MICOS10: variants seen among roughly 807,000 people sequenced by gnomAD.
MICOS10 encodes MICOS complex subunit MIC10.
Under a neutral mutation model 13.4 loss-of-function variants are expected in MICOS10, and 5 were observed. That is an observed-to-expected ratio of 0.37 (90% CI 0.20 to 0.78). The LOEUF (loss-of-function observed/expected upper bound fraction) is 0.78. MICOS10 is among the 30% of genes least tolerant of loss of function. The pLI is 0.47. For synonymous variants in MICOS10, 35 were observed against 33.6 expected (o/e 1.04, Z -0.15); for missense variants, 101 against 94.6 (o/e 1.07, Z -0.28).
In MICOS10 at chr1:19,608,717, G is replaced by A. The variant is rs187025815; in HGVS notation, c.64+11608G>A. The stretch of plus-strand genomic sequence containing the variant: ...CAAAAAGCAAGTTTCAAAGAAAACT[G>A]ATATACTGGATTTGATAAAAATTAA... On this transcript the variant is annotated intron_variant, in intron 1 of 3. Coordinates refer to ENST00000322753, the MANE Select transcript of MICOS10 (RefSeq NM_001032363.4). The A allele has an allele frequency of 2.3e-4, 125 of 555,140 alleles. 2 individuals carry two copies. The Middle Eastern group carries it at 8.7e-3, about 39-fold the overall frequency. 34.4% of individuals were successfully genotyped at this position (555,140 alleles called of 1,614,324 possible).
At position 19,597,250 on chromosome 1, in the gene MICOS10, G is replaced by A. The variant is rs958682441; in HGVS notation, c.64+141G>A. The A allele has an allele frequency of 9.2e-6, 8 of 869,578 alleles. No homozygotes were observed. In the Admixed American group the frequency reaches 1.5e-4, roughly 16 times the overall value. 53.9% of individuals were successfully genotyped at this position (869,578 alleles called of 1,614,324 possible). A position where few individuals can be genotyped will look rare whatever the true frequency, so the allele number is the denominator to read the frequency against. On this transcript the variant is annotated intron_variant, in intron 1 of 3. Coordinates refer to ENST00000322753, the MANE Select transcript of MICOS10 (RefSeq NM_001032363.4). ...CCGGCCCCTCCGGCCAGGGCGAGCC[G>A]CCCGGGCCCCGGCGGGAGGTCACTC...
chr1:19,600,363 GA>G (rs1163209331), intron 1 of MICOS10, among the ~76,000 whole-genome samples: 27 of 152,286 alleles, frequency 1.8e-4, no homozygotes, highest in Non-Finnish European at 3.4e-4. Flanking sequence ...AGTCGTCTTT[GA>G]AACCATGAAG....
chr1:19,619,888 C>T (rs1169132622), intron 1 of MICOS10, among the ~76,000 whole-genome samples: 3 of 152,218 alleles, frequency 2.0e-5, no homozygotes, highest in Non-Finnish European at 4.4e-5. Context: ...ATGCTCCCCA[C>T]CCCCTACCAC....
At chr1:19,603,844 G>A (rs2094825155) in intron 1 of MICOS10, among the ~76,000 whole-genome samples, 1 of 152,200 alleles carries the variant, frequency 6.6e-6, no homozygotes, top group South Asian at 2.1e-4. Context: ...ATGAAGGCAG[G>A]GAGGAGATGT....
intron 1 of MICOS10, chr1:19,608,461 C>T: frequency 7.9e-7 from 1 of 1,272,752 alleles, no homozygotes; most frequent in South Asian, 1.2e-5. Flanking sequence ...AGTCGGCCCT[C>T]AGAGCCCTTG....
chr1:19,615,449 A>G (rs1455176172), intron 1 of MICOS10, among the ~76,000 whole-genome samples: 2 of 152,266 alleles, frequency 1.3e-5, no homozygotes, highest in Admixed American at 6.5e-5. Context: ...GAGAAGTTAT[A>G]TAGTTTGCCC....
At position 19,626,583 on chromosome 1, in the gene MICOS10, G is replaced by A. The variant is rs925009840; in HGVS notation, c.*182G>A. On this transcript the variant is annotated 3_prime_UTR_variant, in exon 4 of 4. Coordinates refer to ENST00000322753, the MANE Select transcript of MICOS10 (RefSeq NM_001032363.4). ...GTTTCTTGTTTTGTATTTTCTCTCT[G>A]GAAGTTGTAAGGAGGTGGTCTTAAA... 3.0e-6 allele frequency: 2 copies of A among 669,714 alleles called. No homozygotes were observed. The highest frequency in any genetic ancestry group is 2.8e-5 in the East Asian group (1 of 35,808). The allele number at this position is 669,714 out of a possible 1,614,324, so 41.5% of individuals were successfully genotyped here.
At chr1:19,609,152 G>A (rs750500056) in intron 1 of MICOS10, among the ~76,000 whole-genome samples, 7 of 151,476 alleles carry the variant, frequency 4.6e-5, no homozygotes, top group African/African-American at 9.7e-5. Flanking sequence ...GCGTGCTACC[G>A]CATCAGGCTA....
Position 19,627,384 on chromosome 1 carries a change from A to T in MICOS10, c.*983A>T, listed in dbSNP as rs999929922. The T allele has an allele frequency of 6.6e-6, 1 of 152,244 alleles. No homozygotes were observed. Among genetic ancestry groups the T allele is most frequent in the Non-Finnish European group, 1.5e-5 (1 of 68,048 alleles). The allele number at this position is 152,244 out of a possible 1,614,324, so 9.4% of individuals were successfully genotyped here. ...TAAATGTTGATTTATCATCTACTGT[A>T]AGCGAGGCACTGTTGTAAGCAGCAG... On this transcript the variant is annotated 3_prime_UTR_variant, in exon 4 of 4. Coordinates refer to ENST00000322753, the MANE Select transcript of MICOS10 (RefSeq NM_001032363.4).
At chr1:19,611,442 C>G (rs1275580920) in intron 1 of MICOS10, among the ~76,000 whole-genome samples, 1 of 138,030 alleles carries the variant, frequency 7.2e-6, no homozygotes, top group Non-Finnish European at 1.5e-5. Flanking sequence ...AAGAACTTAT[C>G]TTTCTCTTTA....
intron 1 of MICOS10, chr1:19,614,374 A>G (rs1425744745): frequency 7.0e-6 from 1 of 143,820 alleles, no homozygotes; most frequent in Non-Finnish European, 1.5e-5. Flanking sequence ...ATACACACCC[A>G]CTCTCTCTTT....
intron 1 of MICOS10, among the ~76,000 whole-genome samples, chr1:19,607,371 G>A (rs1419484099): frequency 6.6e-6 from 1 of 152,182 alleles, no homozygotes; most frequent in Non-Finnish European, 1.5e-5. Context: ...AATGTGGCCT[G>A]TAACAGTTTA....
chr1:19,611,698 G>C (rs759652652), intron 1 of MICOS10, among the ~76,000 whole-genome samples: 1 of 151,744 alleles, frequency 6.6e-6, no homozygotes, highest in Non-Finnish European at 1.5e-5. Flanking sequence ...AAGGCCAGGC[G>C]CGATGGCTCA....
intron 1 of MICOS10, among the ~76,000 whole-genome samples, chr1:19,608,797 A>C (rs1375962116): frequency 6.6e-6 from 1 of 151,996 alleles, no homozygotes; most frequent in Admixed American, 6.6e-5. Context: ...AAGCCGCAGA[A>C]TGGGAGGAAA....
At position 19,629,331 on chromosome 1, in the gene MICOS10, C is replaced by T. The variant is rs1233088022; in HGVS notation, c.*2930C>T. 1 of 152,230 alleles carries T rather than the reference C, an allele frequency of 6.6e-6. No individual in the cohort carries two copies. Among genetic ancestry groups the T allele is most frequent in the Non-Finnish European group, 1.5e-5 (1 of 68,050 alleles). 9.4% of individuals were successfully genotyped at this position (152,230 alleles called of 1,614,324 possible). A position where few individuals can be genotyped will look rare whatever the true frequency, so the allele number is the denominator to read the frequency against. On this transcript the variant is annotated 3_prime_UTR_variant, in exon 4 of 4. Coordinates refer to ENST00000322753, the MANE Select transcript of MICOS10 (RefSeq NM_001032363.4). ...CAGGGCACAGGATGCTAGGATAAAG[C>T]TGTGGCGCCCCAAAAGTGGCCTGCT... is the stretch of plus-strand genomic sequence containing the variant.
intron 2 of MICOS10, among the ~76,000 whole-genome samples, chr1:19,622,920 CTTTTTTTT>C (rs373297142): frequency 3.0e-5 from 4 of 131,926 alleles, no homozygotes; most frequent in Admixed American, 7.7e-5. Flanking sequence ...TATTTTACTA[CTTTTTTTT>C]TTTTTTTTTT....
intron 1 of MICOS10, among the ~76,000 whole-genome samples, chr1:19,621,238 A>G (rs1451677638): frequency 1.3e-5 from 2 of 152,152 alleles, no homozygotes; most frequent in Non-Finnish European, 2.9e-5. Context: ...TACCAGGTCA[A>G]CTTCTTGTGT....
rs2094926315 is a variant in MICOS10, at chr1:19,627,668, A to T, written c.*1267A>T. 6.6e-6 allele frequency: 1 copy of T among 152,244 alleles called. No individual in the cohort carries two copies. Among genetic ancestry groups the T allele is most frequent in the Admixed American group, 6.5e-5 (1 of 15,276 alleles). The allele number at this position is 152,244 out of a possible 1,614,324, so 9.4% of individuals were successfully genotyped here. On this transcript the variant is annotated 3_prime_UTR_variant, in exon 4 of 4. Coordinates refer to ENST00000322753, the MANE Select transcript of MICOS10 (RefSeq NM_001032363.4). Reference sequence around the variant, plus strand: ...AGGGTAGCCTCTGTGTTTGCTCAGGATCATGTAATGCATATTATAGCTGGG... The same window carrying T: ...AGGGTAGCCTCTGTGTTTGCTCAGGTTCATGTAATGCATATTATAGCTGGG...
intron 1 of MICOS10, chr1:19,614,492 T>A (rs1482525741): frequency 6.6e-6 from 1 of 152,086 alleles, no homozygotes; most frequent in Non-Finnish European, 1.5e-5. Context: ...TTATTTTTTT[T>A]ATTTTTAGTA....
Sources: allele counts gnomAD v4.1 joint callset (sites outside exome capture counted in the v4.1 genomes callset), GRCh38; gene constraint gnomAD v4.1.1; transcripts MANE v1.5; gene names NCBI Gene and HGNC (gene_info 2026-07-23, HGNC 2026-07-21).